The following FMN2 variants were observed in gnomAD, a reference collection of about 807,000 sequenced individuals.
FMN2 encodes the protein formin 2.
FMN2 carries 51 observed loss-of-function variants against 142.3 expected under a neutral mutation model. That is an observed-to-expected ratio of 0.36 (90% CI 0.29 to 0.45). FMN2 has a LOEUF of 0.45. FMN2 is among the 20% of genes least tolerant of loss of function. FMN2 has a pLI of 1.00. For missense variants in FMN2, 1,936 were observed against 2,122.8 expected (o/e 0.91, Z 1.73); for synonymous variants, 882 against 869.8 (o/e 1.01, Z -0.25).
At chr1:240,122,633 G>A (rs1662330269) in intron 1 of FMN2, among the ~76,000 whole-genome samples, 1 of 152,088 alleles carries the variant, frequency 6.6e-6, no homozygotes, top group African/African-American at 2.4e-5. Flanking sequence ...AATCCAAAAG[G>A]GAGCTGAGTG....
intron 5 of FMN2, among the ~76,000 whole-genome samples, chr1:240,210,559 G>C (rs1666651994): frequency 2.0e-5 from 3 of 152,162 alleles, no homozygotes. Flanking sequence ...GACAGGGGAA[G>C]TTCTTGTGTT....
chr1:240,175,244 G>T lies in FMN2; in HGVS notation c.1783-2677G>T, dbSNP rs1161787602. ...CTGTTCATTCATGGATGGTCACTTG[G>T]GTTGCTTCCACCTTTCGGCTGTTGT... is the stretch of plus-strand genomic sequence containing the variant. On this transcript the variant is annotated intron_variant, in intron 2 of 17. Coordinates refer to ENST00000319653, the MANE Select transcript of FMN2 (RefSeq NM_020066.5). Among the ~76,000 whole-genome samples, 4 of 152,156 alleles carry T rather than the reference G, an allele frequency of 2.6e-5. No individual in the cohort carries two copies. The South Asian group carries it at 6.2e-4, about 24-fold the overall frequency.
At chr1:240,126,219 GAA>G (rs2103224819) in intron 2 of FMN2, among the ~76,000 whole-genome samples, 1 of 152,292 alleles carries the variant, frequency 6.6e-6, no homozygotes, top group East Asian at 1.9e-4. Context: ...TATGGGGAGA[GAA>G]ATTTTCGATA....
chr1:240,389,431 T>C (rs966458892), intron 14 of FMN2, among the ~76,000 whole-genome samples: 8 of 152,212 alleles, frequency 5.3e-5, no homozygotes, highest in Non-Finnish European at 1.0e-4. Context: ...GTACACAGCC[T>C]ATAAAAGTTG....
In FMN2 at chr1:240,461,440, G is replaced by T. The variant is rs57551449; in HGVS notation, c.5061-10932G>T. ...CTGCTATTGTGATGAGCCAGGTGCC[G>T]TGCTGGGCATGGAATAGAGAGAGAA... On this transcript the variant is annotated intron_variant, in intron 16 of 17. Transcript: ENST00000319653. Among the ~76,000 whole-genome samples, 516 of 152,234 alleles carry T rather than the reference G, an allele frequency of 3.4e-3. 5 individuals are homozygous for T. The highest frequency in any genetic ancestry group is 0.012 in the African/African-American group (485 of 41,532).
chr1:240,098,581 T>TTATAAAA (rs1259272083), intron 1 of FMN2, among the ~76,000 whole-genome samples: 3 of 152,186 alleles, frequency 2.0e-5, no homozygotes, highest in Non-Finnish European at 4.4e-5. Context: ...AAATGTCTTA[T>TTATAAAA]TATAAAAGGA....
chr1:240,273,705 A>G (rs1412582509), intron 7 of FMN2, among the ~76,000 whole-genome samples: 3 of 152,024 alleles, frequency 2.0e-5, no homozygotes, highest in Non-Finnish European at 4.4e-5. Flanking sequence ...GATGTGATGG[A>G]TAACTTGAGA....
chr1:240,444,081 A>G (rs946675435), intron 16 of FMN2, among the ~76,000 whole-genome samples: 5 of 152,184 alleles, frequency 3.3e-5, no homozygotes, highest in African/African-American at 1.2e-4. Context: ...CTTCCAGAAC[A>G]ACATCACTTC....
At chr1:240,405,073 A>G (rs972322651) in intron 15 of FMN2, among the ~76,000 whole-genome samples, 2 of 152,166 alleles carry the variant, frequency 1.3e-5, no homozygotes, top group African/African-American at 4.8e-5. Flanking sequence ...AACTGTCTCC[A>G]GAAGCTATGT....
chr1:240,300,969 C>T (rs1253121399), intron 8 of FMN2, among the ~76,000 whole-genome samples: 1 of 151,156 alleles, frequency 6.6e-6, no homozygotes, highest in East Asian at 1.9e-4. Flanking sequence ...TTGCATCTCT[C>T]ATAGACAGCA....
intron 13 of FMN2, among the ~76,000 whole-genome samples, chr1:240,351,431 A>C (rs1417344698): frequency 6.6e-6 from 1 of 152,158 alleles, no homozygotes; most frequent in Non-Finnish European, 1.5e-5. Flanking sequence ...CCAGTAAATG[A>C]CTTTACAGTT....
At chr1:240,197,075 C>G (rs530503612) in intron 4 of FMN2, among the ~76,000 whole-genome samples, 1 of 152,190 alleles carries the variant, frequency 6.6e-6, no homozygotes, top group Admixed American at 6.5e-5. Flanking sequence ...ACAGAAAGAC[C>G]AAAGCATAGT....
rs1271281005 is a variant in FMN2, at chr1:240,355,797, A to C, written c.4766-19A>C. On this transcript the variant is annotated intron_variant, in intron 13 of 17. Transcript: ENST00000319653. ...CACTAACAGTGTGACACTCTAAATA[A>C]TGTTCTGTCTAATTTCAGCCTGTGA... 6.3e-7 allele frequency: 1 copy of C among 1,576,616 alleles called. No individual in the cohort carries two copies. The highest frequency in any genetic ancestry group is 8.7e-7 in the Non-Finnish European group (1 of 1,148,432).
intron 6 of FMN2, among the ~76,000 whole-genome samples, chr1:240,236,682 C>T (rs1444297559): frequency 6.6e-6 from 1 of 152,086 alleles, no homozygotes; most frequent in Non-Finnish European, 1.5e-5. Context: ...AAGTGCCAGC[C>T]TCTTTTTAAC....
intron 2 of FMN2, among the ~76,000 whole-genome samples, chr1:240,148,228 AC>A (rs1663575808): frequency 2.1e-5 from 1 of 48,256 alleles, no homozygotes; most frequent in South Asian, 1.5e-3. Flanking sequence ...AGACAGAGAG[AC>A]AGAGACCGAG....
At chr1:240,322,933 G>A (rs1172380967) in intron 8 of FMN2, among the ~76,000 whole-genome samples, 2 of 151,908 alleles carry the variant, frequency 1.3e-5, no homozygotes, top group Non-Finnish European at 2.9e-5. Flanking sequence ...TATCTTCATT[G>A]TTCCTCAAGT....
chr1:240,316,804 A>G (rs1227499598), intron 8 of FMN2, among the ~76,000 whole-genome samples: 1 of 152,186 alleles, frequency 6.6e-6, no homozygotes, highest in African/African-American at 2.4e-5. Flanking sequence ...TGTCCCATAT[A>G]CCCAGTTTTC....
intron 2 of FMN2, among the ~76,000 whole-genome samples, chr1:240,155,183 C>T (rs1040492560): frequency 6.6e-6 from 1 of 152,100 alleles, no homozygotes; most frequent in Non-Finnish European, 1.5e-5. Flanking sequence ...AGCAACCACA[C>T]CTGGCCACTA....
At chr1:240,221,765 T>G (rs1344957148) in intron 6 of FMN2, among the ~76,000 whole-genome samples, 3 of 152,100 alleles carry the variant, frequency 2.0e-5, no homozygotes. Flanking sequence ...TGGCTTTTGT[T>G]GCCATTGCTT....
Sources: allele counts gnomAD v4.1 joint callset (sites outside exome capture counted in the v4.1 genomes callset), GRCh38; gene constraint gnomAD v4.1.1; transcripts MANE v1.5; gene names NCBI Gene and HGNC (gene_info 2026-07-23, HGNC 2026-07-21).